The following POU2F1 variants were observed in gnomAD, a reference collection of about 807,000 sequenced individuals.
POU2F1 encodes the protein POU class 2 homeobox 1.
In POU2F1, 16 loss-of-function variants were observed where a neutral mutation model predicts 84.9. The observed-to-expected ratio is 0.19, with a 90% CI of 0.13 to 0.29. The LOEUF is 0.29. Ranked by LOEUF, POU2F1 falls within the 10% of genes least tolerant of loss-of-function variation. The pLI, the probability that POU2F1 is intolerant of heterozygous loss-of-function variation, is 1.00. For synonymous variants in POU2F1, 368 were observed against 368.3 expected (o/e 1.00, Z 0.01); for missense variants, 738 against 942.6 (o/e 0.78, Z 2.84).
intron 4 of POU2F1, 58 bp from the exon 5 acceptor site, chr1:167,371,859 G>A: frequency 6.2e-7 from 1 of 1,601,434 alleles, no homozygotes; most frequent in Non-Finnish European, 8.6e-7. Flanking sequence ...GGGGTTTTAA[G>A]TACATTTCTT....
intron 7 of POU2F1, among the ~76,000 whole-genome samples, chr1:167,378,416 T>C (rs528644747): frequency 1.4e-4 from 20 of 146,614 alleles, no homozygotes; most frequent in Non-Finnish European, 2.1e-4. Context: ...TTTTTTTTTT[T>C]TTTTTTTGAG....
chr1:167,235,125 C>T (rs909853663), intron 1 of POU2F1, among the ~76,000 whole-genome samples: 5 of 152,116 alleles, frequency 3.3e-5, no homozygotes, highest in African/African-American at 9.7e-5. Flanking sequence ...TCCAGTCATT[C>T]ACACCTCATT....
chr1:167,399,818 C>T (rs886605753), intron 12 of POU2F1, among the ~76,000 whole-genome samples: 2 of 149,526 alleles, frequency 1.3e-5, no homozygotes, highest in Non-Finnish European at 3.0e-5. Flanking sequence ...GGATTATAGA[C>T]GTGTACCACC....
At chr1:167,336,574 T>C (rs574849898) in intron 2 of POU2F1, among the ~76,000 whole-genome samples, 22 of 152,230 alleles carry the variant, frequency 1.4e-4, no homozygotes, top group African/African-American at 5.3e-4. Flanking sequence ...ATACTATAGA[T>C]TGAGGTCTGC....
Position 167,329,418 on chromosome 1 carries a change from G to A in POU2F1, c.62-3052G>A, listed in dbSNP as rs1656931891. 2.8e-5 allele frequency: 37 copies of A among 1,312,920 alleles called. No homozygotes were observed. The Admixed American group carries it at 6.2e-4, about 22-fold the overall frequency. The allele number at this position is 1,312,920 out of a possible 1,614,324, so 81.3% of individuals were successfully genotyped here. On this transcript the variant is annotated intron_variant, in intron 1 of 15. Coordinates refer to ENST00000367866, the MANE Select transcript of POU2F1 (RefSeq NM_002697.4). ...TATGCAGCCTGTGGCGGGGGAGGGG[G>A]AGAGTTGGACTGAGCAGGGAAGGAG...
intron 12 of POU2F1, among the ~76,000 whole-genome samples, chr1:167,401,201 A>G (rs925828860): frequency 6.6e-6 from 1 of 152,208 alleles, no homozygotes; most frequent in South Asian, 2.1e-4. Context: ...GATAATTAGT[A>G]TAATGTTTCT....
chr1:167,365,688 G>A, intron 3 of POU2F1, 121 bp downstream of exon 3: 1 of 637,166 alleles, frequency 1.6e-6, no homozygotes, highest in Non-Finnish European at 2.5e-6. Flanking sequence ...AGTGCTAATT[G>A]TGTAATTGTG....
intron 1 of POU2F1, among the ~76,000 whole-genome samples, chr1:167,327,904 GGAAA>G (rs1345671958): frequency 6.6e-6 from 1 of 151,958 alleles, no homozygotes; most frequent in Non-Finnish European, 1.5e-5. Context: ...TAATATATAA[GGAAA>G]GAAAGGGGTA....
rs568714854 is a variant in POU2F1 at position 167,415,768 on chromosome 1, C to T, written c.2259C>T (p.Ser753=). The T allele has an allele frequency of 9.9e-6, 16 of 1,614,104 alleles. No homozygotes were observed. The African/African-American group carries it at 1.2e-4, about 12-fold the overall frequency. Residue 753 remains serine (S), a synonymous_variant, in exon 16 of 16, where the codon AGC becomes AGT. Transcript: ENST00000367866. ...CTCTCTTCACAGTGGCCTCTGCCAG[C>T]GGGGCTGCGTCCACCACCACCACCG... ...QNSLFTVASA[S]GAASTTTTAS...
chr1:167,391,331 T>C (rs1422040937), intron 9 of POU2F1, among the ~76,000 whole-genome samples: 1 of 151,896 alleles, frequency 6.6e-6, no homozygotes, highest in Non-Finnish European at 1.5e-5. Context: ...AAAACTGAAG[T>C]ATGGATTAGA....
Position 167,399,312 on chromosome 1 carries a change from G to A in POU2F1, c.1396G>A (p.Gly466Ser). ...KEKRINPPSSGGTSSSPIKAI... is the reference protein window; with the variant it reads ...KEKRINPPSSSGTSSSPIKAI... ...AAAAAGAATCAACCCACCAAGCAGT[G>A]GTGGGACCAGCAGCTCACCTATTAA... Residue 466 changes from glycine to serine, a missense_variant, in exon 12 of 16, where the codon GGT becomes AGT. Physicochemically the swap from Gly to Ser is moderately conservative, Grantham distance 56 (BLOSUM62 0). This residue lies in a region of POU2F1 where 319 missense variants were observed against 386.0 expected (regional missense o/e 0.83). Coordinates refer to ENST00000367866, the MANE Select transcript of POU2F1 (RefSeq NM_002697.4). 6.2e-7 allele frequency: 1 copy of A among 1,614,058 alleles called. No individual in the cohort carries two copies. The highest frequency in any genetic ancestry group is 8.5e-7 in the Non-Finnish European group (1 of 1,179,980).
intron 1 of POU2F1, among the ~76,000 whole-genome samples, chr1:167,321,205 C>T (rs1254257281): frequency 2.6e-5 from 4 of 152,096 alleles, no homozygotes; most frequent in African/African-American, 7.2e-5. Flanking sequence ...AAATTTTTTA[C>T]GAGTAGGTTC....
At chr1:167,300,378 T>A (rs1432939226) in intron 1 of POU2F1, among the ~76,000 whole-genome samples, 1 of 152,144 alleles carries the variant, frequency 6.6e-6, no homozygotes, top group East Asian at 1.9e-4. Flanking sequence ...ATGCAATATA[T>A]CCAGGTAGCA....
At chr1:167,221,244 C>G (rs1221682474) in intron 1 of POU2F1, among the ~76,000 whole-genome samples, 1 of 151,244 alleles carries the variant, frequency 6.6e-6, no homozygotes, top group Non-Finnish European at 1.5e-5. Context: ...TGCCCGTCGG[C>G]ACCGGCCCTC....
At chr1:167,316,926 C>G (rs543761261) in intron 1 of POU2F1, among the ~76,000 whole-genome samples, 2 of 152,274 alleles carry the variant, frequency 1.3e-5, no homozygotes, top group African/African-American at 4.8e-5. Flanking sequence ...GAGTCTCACT[C>G]TGTCACCCAG....
chr1:167,405,767 A>C (rs908011982), intron 13 of POU2F1, among the ~76,000 whole-genome samples: 19 of 152,230 alleles, frequency 1.2e-4, no homozygotes, highest in Non-Finnish European at 2.4e-4. Context: ...CATCTGCAGA[A>C]CACTTGGTCC....
intron 7 of POU2F1, chr1:167,376,696 A>G (rs1432454660): frequency 1.3e-5 from 2 of 152,246 alleles, no homozygotes; most frequent in African/African-American, 4.8e-5. Flanking sequence ...AGGGTGAAGA[A>G]TGTCAGAGTA....
chr1:167,307,544 C>CA (rs1194635149), intron 1 of POU2F1, among the ~76,000 whole-genome samples: 1 of 148,936 alleles, frequency 6.7e-6, no homozygotes, highest in Non-Finnish European at 1.5e-5. Context: ...TTTTAAATTT[C>CA]AAAATAATTT....
rs774202933 is a variant in POU2F1, at chr1:167,383,827, GT to G, written c.719-27del. Reference sequence around the variant, plus strand: ...CCATGTGTTCGAAGAAATCTTTAATGTTTCTGGATAACATGTTTTTCTTCTA... The same window carrying G: ...CCATGTGTTCGAAGAAATCTTTAATGTTCTGGATAACATGTTTTTCTTCTA... On this transcript the variant is annotated intron_variant, in intron 7 of 15. Coordinates refer to ENST00000367866, the MANE Select transcript of POU2F1 (RefSeq NM_002697.4). The G allele has an allele frequency of 3.2e-6, 5 of 1,560,248 alleles. No individual in the cohort carries two copies. In the Admixed American group the frequency reaches 5.3e-5, roughly 17 times the overall value.
Sources: allele counts gnomAD v4.1 joint callset (sites outside exome capture counted in the v4.1 genomes callset), GRCh38; gene constraint gnomAD v4.1.1; regional missense constraint gnomAD v4.1.1; transcripts MANE v1.5; gene names NCBI Gene and HGNC (gene_info 2026-07-23, HGNC 2026-07-21).